The following SOBP variants were observed in gnomAD, a reference collection of about 807,000 sequenced individuals.
SOBP encodes sine oculis-binding protein homolog.
Under a neutral mutation model 53.6 loss-of-function variants are expected in SOBP, and 4 were observed. The observed-to-expected ratio is 0.07, with a 90% CI of 0.04 to 0.17. The LOEUF (loss-of-function observed/expected upper bound fraction) is 0.17, where lower values mean the gene tolerates loss of function less well. Ranked by LOEUF, SOBP falls within the 10% of genes least tolerant of loss-of-function variation. The probability of loss-of-function intolerance (pLI) is 1.00; values close to 1 mark genes in which losing one functional copy is unlikely to be tolerated. For missense variants in SOBP, 1,088 were observed against 1,204.7 expected (o/e 0.90, Z 1.43); for synonymous variants, 584 against 522.6 (o/e 1.12, Z -1.60).
At chr6:107,638,063 T>C (rs1253079966) in intron 6 of SOBP, among the ~76,000 whole-genome samples, 4 of 152,178 alleles carry the variant, frequency 2.6e-5, no homozygotes, top group Non-Finnish European at 5.9e-5. Flanking sequence ...GGCAAGTGAT[T>C]TAAGATGGGG....
chr6:107,514,011 T>C (rs534240191), intron 3 of SOBP: 1 of 152,760 alleles, frequency 6.5e-6, no homozygotes, highest in South Asian at 2.1e-4. Context: ...GTTACACAGA[T>C]ACTGAGTGGC....
intron 4 of SOBP, among the ~76,000 whole-genome samples, chr6:107,567,779 A>G (rs1317058007): frequency 6.6e-6 from 1 of 152,236 alleles, no homozygotes; most frequent in Non-Finnish European, 1.5e-5. Context: ...GACATGGTGT[A>G]GAAAGCAGCT....
chr6:107,504,940 G>A (rs1043198921), intron 2 of SOBP, among the ~76,000 whole-genome samples: 2 of 152,094 alleles, frequency 1.3e-5, no homozygotes, highest in African/African-American at 4.8e-5. Flanking sequence ...TTGCTTCTGG[G>A]GAACATACAG....
At chr6:107,503,856 GAATTGAGTTGCTTTGGGACTC>G (rs1317694434) in intron 2 of SOBP, 61 bp downstream of exon 2, 1 of 1,598,100 alleles carries the variant, frequency 6.3e-7, no homozygotes, top group African/African-American at 1.3e-5. Context: ...CAACCTGCCA[GAATTGAGTTGCTTTGGGACTC>G]AATTGAGTTG....
At chr6:107,546,451 A>G (rs1328338308) in intron 4 of SOBP, among the ~76,000 whole-genome samples, 1 of 152,232 alleles carries the variant, frequency 6.6e-6, no homozygotes, top group East Asian at 1.9e-4. Flanking sequence ...AATAGCACGT[A>G]TACTTGAGAG....
intron 4 of SOBP, among the ~76,000 whole-genome samples, chr6:107,581,028 C>T (rs1008063476): frequency 2.0e-5 from 3 of 152,176 alleles, no homozygotes; most frequent in Non-Finnish European, 4.4e-5. Flanking sequence ...TTCGCTCACT[C>T]GGTCATTTAT....
intron 6 of SOBP, among the ~76,000 whole-genome samples, chr6:107,648,531 T>G (rs1473267738): frequency 4.3e-5 from 5 of 116,662 alleles, no homozygotes; most frequent in East Asian, 3.3e-4. Context: ...AATGTGTGGT[T>G]TTTTTTTTTT....
intron 4 of SOBP, among the ~76,000 whole-genome samples, chr6:107,563,240 G>C (rs1370257913): frequency 6.6e-6 from 1 of 152,182 alleles, no homozygotes; most frequent in Non-Finnish European, 1.5e-5. Flanking sequence ...CTGGGCAACA[G>C]AGTGAGACCC....
chr6:107,571,299 G>A (rs1785066872), intron 4 of SOBP, among the ~76,000 whole-genome samples: 1 of 152,220 alleles, frequency 6.6e-6, no homozygotes, highest in Admixed American at 6.5e-5. Context: ...TGGTAGGGAT[G>A]ATGTTGAGTT....
chr6:107,501,469 G>C (rs1782842168), intron 1 of SOBP, among the ~76,000 whole-genome samples: 1 of 152,178 alleles, frequency 6.6e-6, no homozygotes, highest in African/African-American at 2.4e-5. Flanking sequence ...TATAAAACTG[G>C]ATATAGTCAC....
rs114317799 is a variant in SOBP, at chr6:107,605,809, C to T, written c.669+18634C>T. ...ACCGGCAGCGGGGACATTGCCTGGG[C>T]CCCTGTTAAGCATGGAGAATCCCAG... On this transcript the variant is annotated intron_variant, in intron 5 of 6. Transcript: ENST00000317357. 4.1e-3 allele frequency among the ~76,000 whole-genome samples: 623 copies of T among 152,298 alleles called. 8 individuals carry two copies. Among genetic ancestry groups the T allele is most frequent in the African/African-American group, 0.014 (583 of 41,560 alleles).
chr6:107,628,556 G>C (rs916226081), intron 5 of SOBP, among the ~76,000 whole-genome samples: 1 of 152,170 alleles, frequency 6.6e-6, no homozygotes, highest in Non-Finnish European at 1.5e-5. Context: ...TGTGGGACAG[G>C]CTGGGGATTG....
At chr6:107,572,241 A>G (rs1166451737) in intron 4 of SOBP, among the ~76,000 whole-genome samples, 2 of 152,190 alleles carry the variant, frequency 1.3e-5, no homozygotes, top group Non-Finnish European at 2.9e-5. Flanking sequence ...ATCTGGCAAC[A>G]CTTAGTTAAA....
rs764419659 is a variant in SOBP, at chr6:107,533,439, T to C, written c.422-20T>C. Reference sequence around the variant, plus strand: ...ATGTTTGCTTCTGATATGAACATTTTTCTTATACTTTTATTATAGAAGATG... The same window carrying C: ...ATGTTTGCTTCTGATATGAACATTTCTCTTATACTTTTATTATAGAAGATG... On this transcript the variant is annotated intron_variant, in intron 3 of 6. Coordinates refer to ENST00000317357, the MANE Select transcript of SOBP (RefSeq NM_018013.4). 1.4e-5 allele frequency: 23 copies of C among 1,613,820 alleles called. No homozygotes were observed. The East Asian group carries it at 5.1e-4, about 36-fold the overall frequency.
At chr6:107,513,060 A>C (rs78095072) in intron 3 of SOBP, among the ~76,000 whole-genome samples, 15,215 of 152,236 alleles carry the variant, frequency 0.1, 1,025 homozygotes, top group East Asian at 0.25. Flanking sequence ...CCTTATTCTC[A>C]TTTCTTACCA....
chr6:107,617,450 G>T (rs989262517), intron 5 of SOBP, among the ~76,000 whole-genome samples: 2 of 152,180 alleles, frequency 1.3e-5, no homozygotes, highest in African/African-American at 4.8e-5. Flanking sequence ...CAGAGGGTTT[G>T]TGTCGCCTTT....
Position 107,634,180 on chromosome 6 carries a change from C to T in SOBP, c.1336C>T (p.Pro446Ser). 6.2e-7 allele frequency: 1 copy of T among 1,609,430 alleles called. No homozygotes were observed. The highest frequency in any genetic ancestry group is 8.5e-7 in the Non-Finnish European group (1 of 1,179,158). ...GCCCGGTGGCCCCAGAAACCTGGGC[C>T]CCACTTCCAGCCCCATGCACCGGCC... ...PPPGGPRNLG[P>S]TSSPMHRPML... The change falls in exon 6 of 7, where the codon CCC becomes TCC. Residue 446 changes from proline to serine, a missense_variant. Pro to Ser is a moderately conservative substitution (Grantham distance 74). Transcript: ENST00000317357. The surrounding 1 kb of genome is among the most constrained non-coding windows in gnomAD (Gnocchi z 4.5).
At chr6:107,608,122 C>T (rs746663349) in intron 5 of SOBP, among the ~76,000 whole-genome samples, 3 of 152,156 alleles carry the variant, frequency 2.0e-5, no homozygotes, top group Admixed American at 1.3e-4. Context: ...AGATAACCAA[C>T]GAGGAGACAG....
intron 4 of SOBP, among the ~76,000 whole-genome samples, chr6:107,566,244 C>G (rs911058260): frequency 6.6e-6 from 1 of 152,168 alleles, no homozygotes; most frequent in African/African-American, 2.4e-5. Context: ...ATGTGTTTCC[C>G]TTTCTTAGAT....
Sources: allele counts gnomAD v4.1 joint callset (sites outside exome capture counted in the v4.1 genomes callset), GRCh38; gene constraint gnomAD v4.1.1; non-coding constraint Gnocchi (gnomAD v3.1); transcripts MANE v1.5; gene names NCBI Gene and HGNC (gene_info 2026-07-23, HGNC 2026-07-21).